The following ARHGAP26 variants were observed in gnomAD, a reference collection of about 807,000 sequenced individuals.
ARHGAP26 encodes the protein Rho GTPase activating protein 26.
A neutral mutation model predicts 104.8 loss-of-function variants in ARHGAP26; 38 were observed. The ratio of observed to expected loss-of-function variants is 0.36; its 90% CI spans 0.28 to 0.48. The LOEUF (loss-of-function observed/expected upper bound fraction) is 0.48. ARHGAP26 is among the 20% of genes least tolerant of loss of function. The pLI, the probability that ARHGAP26 is intolerant of heterozygous loss-of-function variation, is 0.99. For synonymous variants in ARHGAP26, 341 were observed against 340.0 expected (o/e 1.00, Z -0.03); for missense variants, 704 against 947.9 (o/e 0.74, Z 3.38).
intron 11 of ARHGAP26, among the ~76,000 whole-genome samples, chr5:142,945,090 A>G (rs1353636307): frequency 6.6e-6 from 1 of 152,186 alleles, no homozygotes; most frequent in Non-Finnish European, 1.5e-5. Flanking sequence ...GACAACAGCC[A>G]GTAACTTGTT....
At chr5:142,986,142 A>C (rs1022511717) in intron 11 of ARHGAP26, among the ~76,000 whole-genome samples, 4 of 152,090 alleles carry the variant, frequency 2.6e-5, no homozygotes, top group Non-Finnish European at 5.9e-5. Context: ...AAGTGTTCCT[A>C]TTTCTCCACA....
In ARHGAP26 at chr5:143,159,449, A is replaced by T. The variant is rs964122196; in HGVS notation, c.1988+12068A>T. Among the ~76,000 whole-genome samples, 7 of 152,246 alleles carry T rather than the reference A, an allele frequency of 4.6e-5. No individual in the cohort carries two copies. The South Asian group carries it at 1.4e-3, about 31-fold the overall frequency. The stretch of plus-strand genomic sequence containing the variant: ...ATCCAGTACAACAGAGGAATTAGGT[A>T]GTTCTGTATGTGCTGGTCTAGAGCT... On this transcript the variant is annotated intron_variant, in intron 20 of 22. Coordinates refer to ENST00000645722, the MANE Select transcript of ARHGAP26 (RefSeq NM_001135608.3).
At chr5:143,025,074 C>A (rs371465551) in intron 12 of ARHGAP26, among the ~76,000 whole-genome samples, 1 of 152,092 alleles carries the variant, frequency 6.6e-6, no homozygotes, top group Non-Finnish European at 1.5e-5. Context: ...TTAAATGTTG[C>A]GCTTTATTCT....
intron 11 of ARHGAP26, among the ~76,000 whole-genome samples, chr5:142,981,074 G>A (rs547043673): frequency 6.6e-6 from 1 of 152,120 alleles, no homozygotes; most frequent in Non-Finnish European, 1.5e-5. Flanking sequence ...CATTGCAAAT[G>A]TATCCTTTTT....
chr5:142,934,210 G>A (rs142860402), intron 11 of ARHGAP26, among the ~76,000 whole-genome samples: 337 of 152,266 alleles, frequency 2.2e-3, no homozygotes, highest in Middle Eastern at 0.014. Context: ...CTCTGTCTGC[G>A]TATAATTGGT....
At chr5:142,857,893 G>A (rs904575700) in intron 1 of ARHGAP26, among the ~76,000 whole-genome samples, 10 of 152,208 alleles carry the variant, frequency 6.6e-5, no homozygotes, top group Non-Finnish European at 8.8e-5. Context: ...GGAATCATCC[G>A]GAGAGTTTAT....
intron 1 of ARHGAP26, among the ~76,000 whole-genome samples, chr5:142,859,327 G>A (rs936408843): frequency 1.3e-5 from 2 of 152,158 alleles, no homozygotes; most frequent in Non-Finnish European, 2.9e-5. Context: ...GTATTCCCGT[G>A]CCCAGGACTG....
At position 143,226,548 on chromosome 5, in the gene ARHGAP26, C is replaced by T. The variant is rs1811698800; in HGVS notation, c.*4102C>T. 9.9e-6 allele frequency: 2 copies of T among 202,090 alleles called. No individual in the cohort carries two copies. The highest frequency in any genetic ancestry group is 2.0e-5 in the Non-Finnish European group (2 of 98,550). 12.5% of individuals were successfully genotyped at this position (202,090 alleles called of 1,614,324 possible). ...GAAGACAGCTGGTTTCAAATCCCTG[C>T]CCCCAGGCAAGTAAAACCCTGACTT... On this transcript the variant is annotated 3_prime_UTR_variant, in exon 23 of 23. Coordinates refer to ENST00000645722, the MANE Select transcript of ARHGAP26 (RefSeq NM_001135608.3).
At chr5:143,039,763 C>G (rs1783173298) in intron 13 of ARHGAP26, among the ~76,000 whole-genome samples, 1 of 152,084 alleles carries the variant, frequency 6.6e-6, no homozygotes, top group Non-Finnish European at 1.5e-5. Flanking sequence ...TAAATGCAAA[C>G]TGGTAGCTCA....
chr5:143,179,565 G>C (rs1804005053), intron 20 of ARHGAP26, among the ~76,000 whole-genome samples: 1 of 152,230 alleles, frequency 6.6e-6, no homozygotes, highest in Non-Finnish European at 1.5e-5. Context: ...CACACCTGGG[G>C]CTTGGCTCCC....
At chr5:142,978,765 T>G (rs1315768087) in intron 11 of ARHGAP26, among the ~76,000 whole-genome samples, 4 of 127,638 alleles carry the variant, frequency 3.1e-5, no homozygotes, top group Non-Finnish European at 6.6e-5. Context: ...TTTTTTTTTT[T>G]GTAAAAATTG....
intron 1 of ARHGAP26, among the ~76,000 whole-genome samples, chr5:142,807,655 A>G (rs1197989385): frequency 6.6e-6 from 1 of 152,074 alleles, no homozygotes; most frequent in African/African-American, 2.4e-5. Context: ...TTGTTGATAC[A>G]TTCCCAGAAT....
intron 10 of ARHGAP26, among the ~76,000 whole-genome samples, chr5:142,915,240 C>G (rs780857487): frequency 6.6e-6 from 1 of 152,104 alleles, no homozygotes; most frequent in African/African-American, 2.4e-5. Flanking sequence ...GTGTCACATT[C>G]AGCATACTGA....
At chr5:143,161,636 C>T (rs1801252836) in intron 20 of ARHGAP26, among the ~76,000 whole-genome samples, 1 of 152,148 alleles carries the variant, frequency 6.6e-6, no homozygotes, top group African/African-American at 2.4e-5. Context: ...AGACTTACTG[C>T]TTAAATCACC....
At chr5:143,097,382 AAGAG>A (rs1354004190) in intron 17 of ARHGAP26, among the ~76,000 whole-genome samples, 1 of 150,076 alleles carries the variant, frequency 6.7e-6, no homozygotes, top group Non-Finnish European at 1.5e-5. Context: ...AAAAAAAAAA[AAGAG>A]CATATCTGAC....
chr5:143,187,530 G>T (rs1805328501), intron 20 of ARHGAP26, among the ~76,000 whole-genome samples: 1 of 152,206 alleles, frequency 6.6e-6, no homozygotes, highest in African/African-American at 2.4e-5. Flanking sequence ...GGCTTGTGGA[G>T]GAGGCGTGTG....
At chr5:143,145,161 A>C (rs1334310875) in intron 19 of ARHGAP26, among the ~76,000 whole-genome samples, 1 of 152,240 alleles carries the variant, frequency 6.6e-6, no homozygotes, top group Non-Finnish European at 1.5e-5. Flanking sequence ...CATTTTAGAA[A>C]GACGAATATA....
intron 17 of ARHGAP26, among the ~76,000 whole-genome samples, chr5:143,106,623 G>C (rs2005796): frequency 0.86 from 130,131 of 151,448 alleles, 56,525 homozygotes; most frequent in Non-Finnish European, 0.92. Flanking sequence ...CAGGCACGTG[G>C]CACCACGCCC....
At chr5:143,010,429 GGTGCTTGGTAA>G (rs1398414013) in intron 11 of ARHGAP26, among the ~76,000 whole-genome samples, 1 of 152,216 alleles carries the variant, frequency 6.6e-6, no homozygotes, top group African/African-American at 2.4e-5. Flanking sequence ...TGCCATGTGT[GGTGCTTGGTAA>G]GTGCTAGGTA....
Sources: gnomAD v4.1 joint callset for allele counts (sites outside exome capture counted in the v4.1 genomes callset) on GRCh38, gnomAD v4.1.1 for gene constraint, MANE v1.5 for transcripts, NCBI Gene and HGNC (gene_info 2026-07-23, HGNC 2026-07-21) for gene names.